Variants in IGFL3 observed in about 807,000 individuals in gnomAD.
IGFL3 encodes insulin growth factor-like family member 3.
A neutral mutation model predicts 17.0 loss-of-function variants in IGFL3; 12 were observed. The ratio of observed to expected loss-of-function variants is 0.71; its 90% CI spans 0.45 to 1.14. IGFL3 has a LOEUF of 1.14. IGFL3 is among the 50% of genes most tolerant of loss of function. The pLI is 0.00. For missense variants in IGFL3, 153 were observed against 151.6 expected (o/e 1.01, Z -0.05); for synonymous variants, 52 against 57.4 (o/e 0.91, Z 0.42).
chr19:46,124,570 G>A, intron 1 of IGFL3, 55 bp downstream of exon 1: 3 of 1,513,782 alleles, frequency 2.0e-6, no homozygotes, highest in South Asian at 2.3e-5. Flanking sequence ...GTTGAGGTTT[G>A]GGAGCTGCAC....
Position 46,124,686 on chromosome 19 carries a change from G to A in IGFL3, c.-37C>T, listed in dbSNP as rs774835836. The A allele has an allele frequency of 1.3e-6, 2 of 1,593,150 alleles. No homozygotes were observed. The highest frequency in any genetic ancestry group is 1.1e-5 in the South Asian group (1 of 90,326). On this transcript the variant is annotated 5_prime_UTR_variant, in exon 1 of 4. Transcript: ENST00000341415. ...TGCTCTAGGAGAATTGAAGAAGAGT[G>A]GTAAAAGGCTGGAACTTATGGAGAC...
chr19:46,122,059 C>G (rs2146715363), intron 3 of IGFL3, among the ~76,000 whole-genome samples: 1 of 151,242 alleles, frequency 6.6e-6, no homozygotes, highest in African/African-American at 2.4e-5. Context: ...AATGTTAAAA[C>G]TGACACAGCT....
At chr19:46,122,080 C>G (rs1174156231) in intron 3 of IGFL3, among the ~76,000 whole-genome samples, 1 of 151,108 alleles carries the variant, frequency 6.6e-6, no homozygotes, top group East Asian at 2.0e-4. Flanking sequence ...TCACTTTCTT[C>G]TTTTTCTCTG....
intron 3 of IGFL3, 40 bp downstream of exon 3, chr19:46,123,846 C>T: frequency 2.6e-6 from 4 of 1,565,154 alleles, no homozygotes; most frequent in Non-Finnish European, 2.6e-6. Context: ...CCTCATCCCT[C>T]CCTCATTCCT....
intron 3 of IGFL3, 142 bp downstream of exon 3, chr19:46,123,744 T>G (rs986341108): frequency 2.2e-6 from 2 of 893,104 alleles, no homozygotes; most frequent in Admixed American, 2.4e-5. Context: ...GCTTATCTGC[T>G]TCTTCTTTTT....
rs574026837 is a variant in IGFL3 at position 46,120,306 on chromosome 19, G to T, written c.*24C>A. 1.9e-6 allele frequency: 3 copies of T among 1,610,500 alleles called. No individual in the cohort carries two copies. The South Asian group carries it at 3.3e-5, about 18-fold the overall frequency. ...TTCGTCTCTTCTCCCCTTGTCTGCC[G>T]TCTGCCAGTGGAGCCTGGGGTTTTT... On this transcript the variant is annotated 3_prime_UTR_variant, in exon 4 of 4. Coordinates refer to ENST00000341415, the MANE Select transcript of IGFL3 (RefSeq NM_207393.2).
intron 3 of IGFL3, 121 bp downstream of exon 3, chr19:46,123,765 G>C: frequency 8.7e-7 from 1 of 1,143,770 alleles, no homozygotes. Flanking sequence ...GCTTTCCCCT[G>C]CTGCCACCAG....
In IGFL3 at chr19:46,124,038, G is replaced by A. The variant is rs1283699921; in HGVS notation, c.198C>T (p.Thr66=). Residue 66 remains threonine (T), a synonymous_variant, in exon 3 of 4, where the codon ACC becomes ACT. Coordinates refer to ENST00000341415, the MANE Select transcript of IGFL3 (RefSeq NM_207393.2). ...YDDAILSLKE[T]RRCGSTCTFW... ...AGGTGCAGGTGGAGCCACAGCGGCGGGTCTCCTTTAAGGATAAGATGGCAT... is the reference window on the plus strand; with the variant it reads ...AGGTGCAGGTGGAGCCACAGCGGCGAGTCTCCTTTAAGGATAAGATGGCAT... The A allele has an allele frequency of 6.2e-7, 1 of 1,611,332 alleles. No homozygotes were observed. The highest frequency in any genetic ancestry group is 8.5e-7 in the Non-Finnish European group (1 of 1,179,686).
rs1219449866 is a variant in IGFL3, at chr19:46,124,326, G to C, written c.26-5C>G. ...CTGTTATCCAGCAGACAAGAGCTAAGGGAGAAAGGAAAAAGGTTGAACATG... is the reference window on the plus strand; with the variant it reads ...CTGTTATCCAGCAGACAAGAGCTAACGGAGAAAGGAAAAAGGTTGAACATG... On this transcript the variant is annotated splice_polypyrimidine_tract_variant and splice_region_variant and intron_variant, in intron 1 of 3. Coordinates refer to ENST00000341415, the MANE Select transcript of IGFL3 (RefSeq NM_207393.2). 2.5e-6 allele frequency: 4 copies of C among 1,608,652 alleles called. No individual in the cohort carries two copies. Among genetic ancestry groups the C allele is most frequent in the African/African-American group, 1.4e-5 (1 of 73,614 alleles).
chr19:46,120,981 GTTTATT>G (rs964763091), intron 3 of IGFL3, among the ~76,000 whole-genome samples: 1 of 150,474 alleles, frequency 6.6e-6, no homozygotes, highest in Non-Finnish European at 1.5e-5. Flanking sequence ...GAAGCCTTAG[GTTTATT>G]TTTAATTCAT....
Position 46,124,324 on chromosome 19 carries a change from A to G in IGFL3, c.26-3T>C. ...GACTGTTATCCAGCAGACAAGAGCTAAGGGAGAAAGGAAAAAGGTTGAACA... is the reference window on the plus strand; with the variant it reads ...GACTGTTATCCAGCAGACAAGAGCTGAGGGAGAAAGGAAAAAGGTTGAACA... On this transcript the variant is annotated splice_polypyrimidine_tract_variant and splice_region_variant and intron_variant, in intron 1 of 3. Transcript: ENST00000341415. 1 of 1,608,970 alleles carries G rather than the reference A, an allele frequency of 6.2e-7. No individual in the cohort carries two copies. Among genetic ancestry groups the G allele is most frequent in the Non-Finnish European group, 8.5e-7 (1 of 1,177,634 alleles).
chr19:46,121,394 G>GGA (rs1971756160), intron 3 of IGFL3, among the ~76,000 whole-genome samples: 5 of 124,414 alleles, frequency 4.0e-5, no homozygotes, highest in South Asian at 5.3e-4. Context: ...ATCCTGTCTT[G>GGA]AAAAAAAAAA....
chr19:46,124,398 CAG>C lies in IGFL3; in HGVS notation c.26-79_26-78del, dbSNP rs369835759. The C allele has an allele frequency of 7.5e-6, 11 of 1,462,684 alleles. 1 individual carries two copies. The African/African-American group carries it at 1.4e-4, about 19-fold the overall frequency. The allele number at this position is 1,462,684 out of a possible 1,614,324, so 90.6% of individuals were successfully genotyped here. Reference sequence around the variant, plus strand: ...TGGAAAAAACAAACAAACAAACAAACAGAGGTTAGGGTGGTTTAAAGGTGGAG... The same window carrying C: ...TGGAAAAAACAAACAAACAAACAAACAGGTTAGGGTGGTTTAAAGGTGGAG... On this transcript the variant is annotated intron_variant, in intron 1 of 3. Coordinates refer to ENST00000341415, the MANE Select transcript of IGFL3 (RefSeq NM_207393.2).
intron 3 of IGFL3, among the ~76,000 whole-genome samples, chr19:46,121,630 C>T (rs1326669186): frequency 2.0e-5 from 3 of 150,540 alleles, no homozygotes; most frequent in African/African-American, 7.4e-5. Flanking sequence ...TCGCACGTGA[C>T]GACTATCTGA....
At position 46,124,258 on chromosome 19, in the gene IGFL3, C is replaced by T; in HGVS notation, c.79+10G>A. ...TCTTCCCTCCTCATTTTTCCCTGTC[C>T]TGTCCTTACCTGTAGTTCCTTTTGA... On this transcript the variant is annotated intron_variant, in intron 2 of 3. Coordinates refer to ENST00000341415, the MANE Select transcript of IGFL3 (RefSeq NM_207393.2). The T allele has an allele frequency of 6.2e-7, 1 of 1,610,216 alleles. No individual in the cohort carries two copies. Among genetic ancestry groups the T allele is most frequent in the South Asian group, 1.1e-5 (1 of 90,804 alleles).
intron 3 of IGFL3, 47 bp downstream of exon 3, chr19:46,123,839 C>G (rs370062892): frequency 6.4e-7 from 1 of 1,553,358 alleles, no homozygotes; most frequent in South Asian, 1.2e-5. Flanking sequence ...CTGTATCCCT[C>G]ATCCCTCCCT....
Position 46,120,332 on chromosome 19 carries a change from A to T in IGFL3, c.376T>A (p.Ter126LysextTer33). ...TCTGCCAGTGGAGCCTGGGGTTTTT[A>T]TGGGTACAGGACGTGCCTCCTGTTC... ...TRNRRHVLYP[*>K] The change falls in exon 4 of 4, where the codon TAA becomes AAA. Residue 126 changes from the stop codon to lysine (K), a stop_lost. Coordinates refer to ENST00000341415, the MANE Select transcript of IGFL3 (RefSeq NM_207393.2). The T allele has an allele frequency of 6.2e-7, 1 of 1,611,006 alleles. No individual in the cohort carries two copies. Among genetic ancestry groups the T allele is most frequent in the Non-Finnish European group, 8.5e-7 (1 of 1,179,530 alleles).
intron 3 of IGFL3, among the ~76,000 whole-genome samples, chr19:46,120,947 T>TA (rs746220272): frequency 3.3e-5 from 5 of 150,824 alleles, no homozygotes; most frequent in Non-Finnish European, 7.4e-5. Context: ...CAATTTAAAT[T>TA]AAAAAATTAA....
At chr19:46,124,474 T>A in intron 1 of IGFL3, 151 bp downstream of exon 1, 1 of 1,143,338 alleles carries the variant, frequency 8.7e-7, no homozygotes, top group Non-Finnish European at 1.3e-6. Context: ...AGGCAGGCCC[T>A]GAGCAGCACG....
Sources: allele counts gnomAD v4.1 joint callset (sites outside exome capture counted in the v4.1 genomes callset), GRCh38; gene constraint gnomAD v4.1.1; transcripts MANE v1.5; gene names NCBI Gene and HGNC (gene_info 2026-07-23, HGNC 2026-07-21).